Variants in RPS29 observed in about 807,000 individuals in gnomAD.
RPS29 encodes ribosomal protein S29.
For synonymous variants in RPS29, 37 were observed against 26.9 expected (o/e 1.37, Z -1.16); for missense variants, 60 against 75.7 (o/e 0.79, Z 0.77).
intron 2 of RPS29, among the ~76,000 whole-genome samples, chr14:49,584,000 TTGA>T (rs1040160255): frequency 6.6e-6 from 1 of 152,180 alleles, no homozygotes; most frequent in African/African-American, 2.4e-5. Context: ...CATTTTTTTT[TTGA>T]GAGAGAGTCT....
intron 1 of RPS29, chr14:49,598,074 C>A: frequency 3.4e-6 from 1 of 293,204 alleles, no homozygotes; most frequent in Non-Finnish European, 6.3e-6. Context: ...CACATTTTGT[C>A]ACAGTTGTAT....
downstream of RPS29, among the ~76,000 whole-genome samples, chr14:49,582,967 T>G (rs1053364078): frequency 5.3e-5 from 8 of 152,202 alleles, no homozygotes; most frequent in African/African-American, 1.9e-4. Context: ...AGACCCTGTA[T>G]CTATTCAAAA....
chr14:49,586,110 C>T (rs1487528143), intron 1 of RPS29, 61 bp from the exon 2 acceptor site: 17 of 1,481,360 alleles, frequency 1.1e-5, no homozygotes, highest in Non-Finnish European at 1.5e-5. Flanking sequence ...CGCACTCAGA[C>T]GGCTACTACC....
chr14:49,581,077 C>T (rs34384218), downstream of RPS29, among the ~76,000 whole-genome samples: 29,520 of 151,698 alleles, frequency 0.19, 3,149 homozygotes, highest in Admixed American at 0.28. Context: ...ATCCCAGCTA[C>T]TCAGGAGGCT....
At chr14:49,588,270 T>G (rs531554333), upstream of RPS29, among the ~76,000 whole-genome samples, 50 of 152,362 alleles carry the variant, frequency 3.3e-4, no homozygotes, top group African/African-American at 1.2e-3. Context: ...TGAGAAGCAA[T>G]TAGTTGCACT....
At chr14:49,573,586 C>T (rs756982414) in exon 3 of RPS29, 4 of 152,032 alleles carry the variant, frequency 2.6e-5, no homozygotes, top group African/African-American at 9.6e-5. Context: ...TTTGACAGAA[C>T]TGGCCTAAGA....
At chr14:49,591,061 T>G (rs1309793728), upstream of RPS29, among the ~76,000 whole-genome samples, 11 of 152,164 alleles carry the variant, frequency 7.2e-5, no homozygotes, top group Admixed American at 4.6e-4. Flanking sequence ...TATGTGTTTG[T>G]CCATATCGAT....
At chr14:49,585,050 TTCA>T (rs1290422547) in intron 2 of RPS29, among the ~76,000 whole-genome samples, 3 of 151,962 alleles carry the variant, frequency 2.0e-5, no homozygotes, top group African/African-American at 7.3e-5. Flanking sequence ...AAACTTTAAG[TTCA>T]TTCCAGTGTA....
At position 49,584,958 on chromosome 14, in the gene RPS29, G is replaced by C. The variant is rs571702438; in HGVS notation, c.162+992C>G. Among the ~76,000 whole-genome samples, 19 of 151,742 alleles carry C rather than the reference G, an allele frequency of 1.3e-4. No individual in the cohort carries two copies. The South Asian group carries it at 3.7e-3, about 30-fold the overall frequency. On this transcript the variant is annotated intron_variant, in intron 2 of 2. Coordinates refer to ENST00000245458, the MANE Select transcript of RPS29 (RefSeq NM_001032.5). Reference sequence around the variant, plus strand: ...AGTCAAAAGTTTCATATAAACACTAGCTTGACTAAGATGATCAAGAGATAG... The same window carrying C: ...AGTCAAAAGTTTCATATAAACACTACCTTGACTAAGATGATCAAGAGATAG...
Position 49,586,339 on chromosome 14 carries a change from T to C in RPS29, c.8A>G (p.His3Arg), listed in dbSNP as rs925259850. Residue 3 changes from histidine (H) to arginine (R), a missense_variant, in exon 1 of 3, where the codon CAC (histidine) becomes CGC (arginine). Physicochemically the swap from His to Arg is conservative, Grantham distance 29. Transcript: ENST00000245458. Reference sequence around the variant, plus strand: ...CGGGTGGCTCCAGTACAGCTGCTGGTGACCCATCTTGCTCTCAGCAGTGCA... The same window carrying C: ...CGGGTGGCTCCAGTACAGCTGCTGGCGACCCATCTTGCTCTCAGCAGTGCA... MG[H>R]QQLYWSHPRK... 4 of 1,613,762 alleles carry C rather than the reference T, an allele frequency of 2.5e-6. No homozygotes were observed. Among genetic ancestry groups the C allele is most frequent in the Non-Finnish European group, 3.4e-6 (4 of 1,179,760 alleles).
downstream of RPS29, among the ~76,000 whole-genome samples, chr14:49,581,164 T>A (rs1355761094): frequency 6.6e-6 from 1 of 151,774 alleles, no homozygotes; most frequent in Non-Finnish European, 1.5e-5. Context: ...CACTCCAGCC[T>A]GGGCAACATG....
chr14:49,591,969 G>C (rs1566485891), intron 1 of RPS29, among the ~76,000 whole-genome samples: 1 of 152,094 alleles, frequency 6.6e-6, no homozygotes, highest in Non-Finnish European at 1.5e-5. Context: ...TTGATTTTCT[G>C]ATGAGACAGA....
intron 1 of RPS29, among the ~76,000 whole-genome samples, chr14:49,591,619 A>ATT (rs35067386): frequency 1.5e-3 from 175 of 117,050 alleles, no homozygotes; most frequent in South Asian, 2.8e-3. Flanking sequence ...GCCCAATTTG[A>ATT]TTTTTTTTTT....
upstream of RPS29, chr14:49,586,894 C>A (rs1304516867): frequency 6.4e-6 from 1 of 157,200 alleles, no homozygotes; most frequent in Non-Finnish European, 1.4e-5. Context: ...ACAATAAATA[C>A]GTTAATTTTG....
exon 3 of RPS29, chr14:49,574,807 T>C (rs930707036): frequency 6.6e-5 from 10 of 152,294 alleles, no homozygotes; most frequent in African/African-American, 1.9e-4. Flanking sequence ...CACGAAGAAA[T>C]TGGAAGGCCT....
chr14:49,579,877 GTC>G (rs1276113884), downstream of RPS29, among the ~76,000 whole-genome samples: 1 of 152,034 alleles, frequency 6.6e-6, no homozygotes, highest in Non-Finnish European at 1.5e-5. Context: ...CAGTCGTTTT[GTC>G]TCTTTCTTTG....
intron 2 of RPS29, chr14:49,577,936 C>A: frequency 1.1e-6 from 1 of 923,014 alleles, no homozygotes; most frequent in Non-Finnish European, 1.7e-6. Context: ...TGCATGCCTG[C>A]CCTGTGAAAC....
At chr14:49,587,906 A>T (rs936271766), upstream of RPS29, among the ~76,000 whole-genome samples, 1 of 152,244 alleles carries the variant, frequency 6.6e-6, no homozygotes, top group Non-Finnish European at 1.5e-5. Context: ...GCTTGAGCCA[A>T]GGTAAGGTGA....
intron 2 of RPS29, 88 bp from the exon 3 acceptor site, chr14:49,583,763 A>G: frequency 1.2e-6 from 1 of 840,594 alleles, no homozygotes; most frequent in East Asian, 2.4e-5. Context: ...ATAGAATGTT[A>G]TAGAATTACA....
Sources: allele counts gnomAD v4.1 joint callset (sites outside exome capture counted in the v4.1 genomes callset), GRCh38; gene constraint gnomAD v4.1.1; transcripts MANE v1.5; gene names NCBI Gene and HGNC (gene_info 2026-07-23, HGNC 2026-07-21).